TPTE: variants seen among roughly 807,000 people sequenced by gnomAD.
TPTE encodes the protein transmembrane phosphatase with tensin homology, also known as putative tyrosine-protein phosphatase TPTE.
TPTE carries 59 observed loss-of-function variants against 84.1 expected under a neutral mutation model. The ratio of observed to expected loss-of-function variants is 0.70; its 90% CI spans 0.57 to 0.87. TPTE has a LOEUF of 0.87. TPTE is among the 40% of genes least tolerant of loss of function. TPTE has a pLI of 0.00. For synonymous variants in TPTE, 130 were observed against 223.5 expected, an observed-to-expected ratio of 0.58 and a Z score of 3.73; for missense variants, 382 against 659.6, an observed-to-expected ratio of 0.58 and a Z score of 4.61.
At chr21:10,575,342 A>G (rs62211232) in intron 14 of TPTE, among the ~76,000 whole-genome samples, 10,340 of 133,764 alleles carry the variant, frequency 0.077, 2 homozygotes, top group Non-Finnish European at 0.12. Context: ...CAGCGGTTCT[A>G]TGGACAGAGC....
intron 8 of TPTE, among the ~76,000 whole-genome samples, chr21:10,557,305 T>C (rs2074703529): frequency 6.6e-6 from 1 of 152,308 alleles, no homozygotes; most frequent in Non-Finnish European, 1.5e-5. Flanking sequence ...TGCACATAAC[T>C]GCTTGAAGCT....
chr21:10,567,595 A>G (rs1455018875), intron 10 of TPTE, 75 bp from the exon 11 acceptor site: 1 of 1,586,010 alleles, frequency 6.3e-7, no homozygotes, highest in South Asian at 1.2e-5. Flanking sequence ...ATGAGTCAAT[A>G]GTTTGTGGTC....
intron 17 of TPTE, among the ~76,000 whole-genome samples, chr21:10,587,811 A>G (rs904253659): frequency 6.6e-6 from 1 of 152,424 alleles, no homozygotes; most frequent in East Asian, 1.9e-4. Flanking sequence ...CAGCCTCCCA[A>G]AGTGCTGGGA....
At chr21:10,544,117 G>T (rs1412871167) in intron 7 of TPTE, among the ~76,000 whole-genome samples, 2 of 152,300 alleles carry the variant, frequency 1.3e-5, no homozygotes, top group Non-Finnish European at 2.9e-5. Flanking sequence ...AAATCATAAA[G>T]GTGTAAGTAA....
chr21:10,532,524 C>T (rs1180628954), intron 3 of TPTE, among the ~76,000 whole-genome samples: 2 of 152,298 alleles, frequency 1.3e-5, no homozygotes, highest in African/African-American at 2.4e-5. Context: ...TTATGTTTTG[C>T]TTCCTTATTA....
chr21:10,540,255 G>T (rs147079479), intron 4 of TPTE, among the ~76,000 whole-genome samples: 304 of 152,290 alleles, frequency 2.0e-3, no homozygotes, highest in African/African-American at 6.9e-3. Flanking sequence ...ATACATACAT[G>T]CATTCGTACA....
intron 14 of TPTE, among the ~76,000 whole-genome samples, chr21:10,576,952 A>G (rs1312044239): frequency 1.3e-5 from 2 of 152,378 alleles, no homozygotes; most frequent in East Asian, 1.9e-4. Flanking sequence ...AAAAGTCTCC[A>G]TATTGTTACC....
intron 14 of TPTE, among the ~76,000 whole-genome samples, chr21:10,573,074 G>T (rs1435978854): frequency 8.4e-6 from 1 of 118,492 alleles, no homozygotes; most frequent in African/African-American, 3.8e-5. Flanking sequence ...AAAAAAAAAA[G>T]ACCCAACTGT....
chr21:10,567,560 C>T (rs12373927), intron 10 of TPTE, 110 bp from the exon 11 acceptor site: 6,248 of 1,522,812 alleles, frequency 4.1e-3, no homozygotes, highest in South Asian at 9.7e-3. Flanking sequence ...TTAAATAATT[C>T]ATGATAGTAG....
chr21:10,593,403 A>T (rs893347595), intron 19 of TPTE, among the ~76,000 whole-genome samples: 1 of 152,308 alleles, frequency 6.6e-6, no homozygotes, highest in African/African-American at 2.4e-5. Context: ...GTTTAATCAG[A>T]ATTCAAACAA....
At position 10,569,772 on chromosome 21, in the gene TPTE, A is replaced by C. The variant is rs369662660; in HGVS notation, c.730+26A>C. On this transcript the variant is annotated intron_variant, in intron 13 of 23. Coordinates refer to ENST00000618007, the MANE Select transcript of TPTE (RefSeq NM_199261.4). ...GTTTGTGACACTTAACCGTTGATTT[A>C]CTTGTATTACTTCACTTTTTCTTGT... 5.0e-6 allele frequency: 8 copies of C among 1,613,892 alleles called. No individual in the cohort carries two copies. In the South Asian group the frequency reaches 7.7e-5, roughly 16 times the overall value.
At chr21:10,556,592 G>A (rs2074688831) in intron 8 of TPTE, among the ~76,000 whole-genome samples, 1 of 152,308 alleles carries the variant, frequency 6.6e-6, no homozygotes, top group Admixed American at 6.5e-5. Context: ...GGTGTTTCTA[G>A]TTTTAGATTC....
intron 3 of TPTE, among the ~76,000 whole-genome samples, chr21:10,537,026 TCA>T (rs2074278540): frequency 6.6e-6 from 1 of 152,430 alleles, no homozygotes; most frequent in South Asian, 2.1e-4. Context: ...ACACCCATCA[TCA>T]CATTGTATGG....
intron 3 of TPTE, among the ~76,000 whole-genome samples, chr21:10,536,864 C>T (rs1262499249): frequency 1.3e-5 from 2 of 152,306 alleles, no homozygotes; most frequent in African/African-American, 4.8e-5. Flanking sequence ...CTAGAGTGGA[C>T]CAAGGGAAGA....
At chr21:10,552,949 A>G (rs1458381498) in intron 8 of TPTE, among the ~76,000 whole-genome samples, 27 of 152,420 alleles carry the variant, frequency 1.8e-4, no homozygotes, top group African/African-American at 6.3e-4. Context: ...GAAAATGTAA[A>G]AAGTATTCTT....
At chr21:10,546,204 A>G (rs1486710361) in intron 7 of TPTE, among the ~76,000 whole-genome samples, 1 of 152,308 alleles carries the variant, frequency 6.6e-6, no homozygotes, top group African/African-American at 2.4e-5. Context: ...TTTTATTATC[A>G]TATCTGTTAT....
chr21:10,560,604 C>T (rs866872011), intron 9 of TPTE, among the ~76,000 whole-genome samples: 1 of 152,302 alleles, frequency 6.6e-6, no homozygotes, highest in East Asian at 1.9e-4. Flanking sequence ...GTTACTCATG[C>T]TTTCATTTGG....
At chr21:10,573,963 G>A (rs1423091596) in intron 14 of TPTE, among the ~76,000 whole-genome samples, 1 of 152,308 alleles carries the variant, frequency 6.6e-6, no homozygotes, top group Non-Finnish European at 1.5e-5. Flanking sequence ...CTACCAGTCT[G>A]GATTCAAGGA....
At chr21:10,591,059 G>A (rs1402190439) in intron 18 of TPTE, among the ~76,000 whole-genome samples, 1 of 152,306 alleles carries the variant, frequency 6.6e-6, no homozygotes, top group African/African-American at 2.4e-5. Flanking sequence ...TCTCCAAAGA[G>A]CCTTGCCCAT....
Sources: gnomAD v4.1 joint callset for allele counts (sites outside exome capture counted in the v4.1 genomes callset) on GRCh38, gnomAD v4.1.1 for gene constraint, MANE v1.5 for transcripts, NCBI Gene and HGNC (gene_info 2026-07-23, HGNC 2026-07-21) for gene names.